Variants in NUP205 observed in about 807,000 individuals in gnomAD.
NUP205 encodes the protein nucleoporin 205.
A neutral mutation model predicts 253.8 loss-of-function variants in NUP205; 76 were observed. The ratio of observed to expected loss-of-function variants is 0.30; its 90% CI spans 0.25 to 0.36. The LOEUF (loss-of-function observed/expected upper bound fraction) is 0.36, where lower values mean the gene tolerates loss of function less well. Among genes scored for constraint, NUP205 ranks in the 10% least tolerant of loss-of-function variants. NUP205 has a pLI of 1.00. For synonymous variants in NUP205, 832 were observed against 850.1 expected, an observed-to-expected ratio of 0.98 and a Z score of 0.37; for missense variants, 2,162 against 2,425.5, an observed-to-expected ratio of 0.89 and a Z score of 2.28.
At chr7:135,627,922 A>G in intron 33 of NUP205, 51 bp from the exon 34 acceptor site, 1 of 1,590,070 alleles carries the variant, frequency 6.3e-7, no homozygotes, top group Non-Finnish European at 8.6e-7. Flanking sequence ...GGAATTGCCG[A>G]GAGTATACCT....
intron 1 of NUP205, among the ~76,000 whole-genome samples, chr7:135,559,342 A>T (rs1286879539): frequency 6.6e-6 from 1 of 152,168 alleles, no homozygotes; most frequent in Admixed American, 6.6e-5. Flanking sequence ...TGTATATAAT[A>T]CATTTCTCTA....
At chr7:135,573,154 C>T (rs1050956383) in intron 2 of NUP205, among the ~76,000 whole-genome samples, 13 of 151,740 alleles carry the variant, frequency 8.6e-5, no homozygotes, top group Admixed American at 2.6e-4. Context: ...CTTTAAGTTC[C>T]GAAACTTTAG....
At position 135,573,763 on chromosome 7, in the gene NUP205, C is replaced by G. The variant is rs148613242; in HGVS notation, c.281C>G (p.Ala94Gly). ...CTTCCTGAACAGCTCATTAAAGAAG[C>G]CTTTATTCTCAGTGACCTTTTTGAT... Reference protein sequence around the residue: ...RLLPEQLIKEAFILSDLFDIG... With the variant: ...RLLPEQLIKEGFILSDLFDIG... The change falls in exon 3 of 43, where the codon GCC becomes GGC. Residue 94 changes from alanine (A) to glycine (G), a missense_variant. Ala to Gly is a moderately conservative substitution (Grantham distance 60). Transcript: ENST00000285968. 1.3e-3 allele frequency: 2,104 copies of G among 1,613,650 alleles called. 4 individuals carry two copies. The highest frequency in any genetic ancestry group is 1.6e-3 in the Non-Finnish European group (1,877 of 1,179,724).
Position 135,601,486 on chromosome 7 carries a change from G to A in NUP205, c.2491G>A (p.Asp831Asn). 3 of 1,613,766 alleles carry A rather than the reference G, an allele frequency of 1.9e-6. No individual in the cohort carries two copies. In the South Asian group the frequency reaches 3.3e-5, roughly 18 times the overall value. ...ACTGGAAGAAGGAGTTAAGCAGCTTGACACCTATGCCCCCTTTCCTGGTAT... is the reference window on the plus strand; with the variant it reads ...ACTGGAAGAAGGAGTTAAGCAGCTTAACACCTATGCCCCCTTTCCTGGTAT... Reference protein sequence around the residue: ...SLLEEGVKQLDTYAPFPGKKH... With the variant: ...SLLEEGVKQLNTYAPFPGKKH... The change falls in exon 17 of 43, where the codon GAC becomes AAC. Residue 831 changes from aspartate (D) to asparagine (N), a missense_variant. Asp to Asn is a conservative substitution (Grantham distance 23). This residue lies in a region of NUP205 where 892 missense variants were observed against 957.1 expected (regional missense o/e 0.93). Coordinates refer to ENST00000285968, the MANE Select transcript of NUP205 (RefSeq NM_015135.3).
At chr7:135,620,796 A>G (rs937095259) in intron 30 of NUP205, among the ~76,000 whole-genome samples, 2 of 152,202 alleles carry the variant, frequency 1.3e-5, no homozygotes, top group African/African-American at 2.4e-5. Flanking sequence ...ATCTTTTTGT[A>G]CTAGTGAGGT....
rs181118681 is a variant in NUP205 at position 135,618,547 on chromosome 7, C to A, written c.3907C>A (p.Gln1303Lys). The A allele has an allele frequency of 6.2e-7, 1 of 1,613,562 alleles. No homozygotes were observed. The highest frequency in any genetic ancestry group is 1.7e-5 in the Admixed American group (1 of 59,914). The change falls in exon 28 of 43, where the codon CAG becomes AAG. Residue 1303 changes from glutamine to lysine, a missense_variant. This residue lies in a region of NUP205 where 1,144 missense variants were observed against 1,280.9 expected (regional missense o/e 0.89). Transcript: ENST00000285968. ...ILTACPQDLI[Q>K]AEDRQLIIRD... ...GACAGCTTGTCCCCAGGACCTCATTCAGGCAGAGGATCGACAACTGATTAT... is the reference window on the plus strand; with the variant it reads ...GACAGCTTGTCCCCAGGACCTCATTAAGGCAGAGGATCGACAACTGATTAT...
Position 135,608,671 on chromosome 7 carries a change from G to A in NUP205, c.3195+1300G>A, listed in dbSNP as rs967306476. On this transcript the variant is annotated intron_variant, in intron 22 of 42. Transcript: ENST00000285968. The stretch of plus-strand genomic sequence containing the variant: ...TGCAGTGAGCCAAGATCATGCCACT[G>A]CACTCCAGCTGGGTGGCAAAGTGAG... 3.9e-5 allele frequency among the ~76,000 whole-genome samples: 6 copies of A among 152,094 alleles called. No homozygotes were observed. The East Asian group carries it at 1.2e-3, about 29-fold the overall frequency.
intron 30 of NUP205, 39 bp from the exon 31 acceptor site, chr7:135,622,738 T>A (rs376933794): frequency 1.7e-5 from 27 of 1,602,118 alleles, no homozygotes; most frequent in Non-Finnish European, 2.3e-5. Flanking sequence ...ATTACACTGC[T>A]TTTTACTGGA....
At chr7:135,617,770 T>C in intron 27 of NUP205, 88 bp downstream of exon 27, 1 of 714,862 alleles carries the variant, frequency 1.4e-6, no homozygotes, top group East Asian at 2.7e-5. Context: ...TGACATGTAG[T>C]TTGCTAATTA....
rs1794562894 is a variant in NUP205, at chr7:135,625,286, T to C, written c.4602T>C (p.Arg1534=). ...TAGACAGCTTGGTAGAAGATGACCGTACTTTGCAGAGCTTACTCACCCCAC... is the reference window on the plus strand; with the variant it reads ...TAGACAGCTTGGTAGAAGATGACCGCACTTTGCAGAGCTTACTCACCCCAC... The part of the protein sequence containing the change: ...VLVDSLVEDD[R]TLQSLLTPQP... Residue 1534 remains arginine, a synonymous_variant, in exon 32 of 43, where the codon CGT becomes CGC. Transcript: ENST00000285968. 6.2e-7 allele frequency: 1 copy of C among 1,614,054 alleles called. No individual in the cohort carries two copies. The highest frequency in any genetic ancestry group is 1.3e-5 in the African/African-American group (1 of 74,932).
At chr7:135,648,014 C>A (rs1357970413) in intron 42 of NUP205, among the ~76,000 whole-genome samples, 1 of 152,160 alleles carries the variant, frequency 6.6e-6, no homozygotes, top group Non-Finnish European at 1.5e-5. Flanking sequence ...ACCTACCCTC[C>A]TGTCCTCCCT....
At chr7:135,595,377 C>G (rs1793802251) in intron 13 of NUP205, among the ~76,000 whole-genome samples, 1 of 152,008 alleles carries the variant, frequency 6.6e-6, no homozygotes, top group African/African-American at 2.4e-5. Flanking sequence ...GCTTGCATTA[C>G]CACGCCCAGC....
At chr7:135,591,801 T>C (rs1344999242) in intron 11 of NUP205, among the ~76,000 whole-genome samples, 1 of 152,198 alleles carries the variant, frequency 6.6e-6, no homozygotes, top group Non-Finnish European at 1.5e-5. Context: ...TTGGGGAGTT[T>C]TGTCATTCTC....
At chr7:135,624,115 A>G (rs1207803022) in intron 31 of NUP205, among the ~76,000 whole-genome samples, 1 of 152,148 alleles carries the variant, frequency 6.6e-6, no homozygotes, top group Admixed American at 6.5e-5. Context: ...ATTTTAAAAT[A>G]TTTGTATGCA....
Position 135,648,391 on chromosome 7 carries a change from G to A in NUP205, c.5887-13G>A, listed in dbSNP as rs370634494. The A allele has an allele frequency of 7.8e-6, 12 of 1,541,082 alleles. No homozygotes were observed. In the Middle Eastern group the frequency reaches 8.5e-4, roughly 109 times the overall value. ...CAACAATTTTAACAAAATGTCTTTTGTGTCACCGCTAGCTTCAGGCTGATG... is the reference window on the plus strand; with the variant it reads ...CAACAATTTTAACAAAATGTCTTTTATGTCACCGCTAGCTTCAGGCTGATG... On this transcript the variant is annotated splice_polypyrimidine_tract_variant and intron_variant, in intron 42 of 42. Coordinates refer to ENST00000285968, the MANE Select transcript of NUP205 (RefSeq NM_015135.3).
At chr7:135,579,152 C>T (rs930603758) in intron 7 of NUP205, among the ~76,000 whole-genome samples, 2 of 152,032 alleles carry the variant, frequency 1.3e-5, no homozygotes, top group African/African-American at 4.8e-5. Flanking sequence ...TGCTCTTTTA[C>T]CTTCAGGGTA....
chr7:135,608,401 C>T (rs1794134738), intron 22 of NUP205, among the ~76,000 whole-genome samples: 1 of 152,128 alleles, frequency 6.6e-6, no homozygotes, highest in Admixed American at 6.5e-5. Flanking sequence ...GTCAGATTAA[C>T]ATTTAAACTA....
intron 1 of NUP205, among the ~76,000 whole-genome samples, chr7:135,562,288 C>T (rs1467197468): frequency 6.6e-6 from 1 of 152,038 alleles, no homozygotes; most frequent in African/African-American, 2.4e-5. Flanking sequence ...CCTCTGCCTC[C>T]CAGGTTCAAG....
At chr7:135,631,099 GAA>G (rs1280638779) in intron 35 of NUP205, among the ~76,000 whole-genome samples, 1 of 151,988 alleles carries the variant, frequency 6.6e-6, no homozygotes, top group Non-Finnish European at 1.5e-5. Flanking sequence ...GGGAGAGAGA[GAA>G]AGAAAGCAAC....
Sources: gnomAD v4.1 joint callset for allele counts (sites outside exome capture counted in the v4.1 genomes callset) on GRCh38, gnomAD v4.1.1 for gene constraint, gnomAD v4.1.1 regional missense constraint, MANE v1.5 for transcripts, NCBI Gene and HGNC (gene_info 2026-07-23, HGNC 2026-07-21) for gene names.